STX2: variants seen among roughly 807,000 people sequenced by gnomAD.
STX2 encodes the protein syntaxin-2.
A neutral mutation model predicts 40.6 loss-of-function variants in STX2; 27 were observed. That is an observed-to-expected ratio of 0.66 (90% confidence interval 0.49 to 0.92). The LOEUF is 0.92. Ranked by LOEUF, STX2 falls within the 40% of genes least tolerant of loss-of-function variation. The probability of loss-of-function intolerance (pLI) is 0.00; values close to 1 mark genes in which losing one functional copy is unlikely to be tolerated. For missense variants in STX2, 328 were observed against 366.1 expected (o/e 0.90, Z 0.85); for synonymous variants, 123 against 119.1 (o/e 1.03, Z -0.22).
chr12:130,837,450 C>T lies in STX2; in HGVS notation c.30+1620G>A, dbSNP rs188497274. 5.6e-3 allele frequency among the ~76,000 whole-genome samples: 859 copies of T among 152,278 alleles called. 2 individuals carry two copies. Among genetic ancestry groups the T allele is most frequent in the Non-Finnish European group, 0.01 (689 of 68,010 alleles). ...CTGGGACTACAGGTGTGCGCCATGA[C>T]ATCCGGCTATTTTAGTAGAAACGGG... On this transcript the variant is annotated intron_variant, in intron 1 of 10. Coordinates refer to ENST00000392373, the MANE Select transcript of STX2 (RefSeq NM_194356.4).
chr12:130,791,873 G>C lies in STX2; in HGVS notation c.*150C>G. On this transcript the variant is annotated 3_prime_UTR_variant, in exon 11 of 11. Coordinates refer to ENST00000392373, the MANE Select transcript of STX2 (RefSeq NM_194356.4). ...GTTGCAGATGTGGTCTGAGTCTCAA[G>C]GATAAATGGCTCTTGGGATATGGTT... 6.2e-7 allele frequency: 1 copy of C among 1,600,400 alleles called. No individual in the cohort carries two copies. Among genetic ancestry groups the C allele is most frequent in the South Asian group, 1.1e-5 (1 of 89,884 alleles).
chr12:130,798,344 A>C, intron 9 of STX2, 181 bp downstream of exon 9: 2 of 463,948 alleles, frequency 4.3e-6, no homozygotes, highest in Non-Finnish European at 7.3e-6. Context: ...ATGAACTACA[A>C]ATAATTCATC....
chr12:130,796,018 C>T lies in STX2; in HGVS notation c.*22G>A. The T allele has an allele frequency of 6.2e-7, 1 of 1,613,272 alleles. No homozygotes were observed. Among genetic ancestry groups the T allele is most frequent in the Non-Finnish European group, 8.5e-7 (1 of 1,179,740 alleles). On this transcript the variant is annotated 3_prime_UTR_variant, in exon 10 of 11. Transcript: ENST00000392373. ...ACTCCCACCCTGGCAGAGAGGCATG[C>T]ACACTGACGTTATCCACACCATCAT...
At chr12:130,798,148 G>A (rs896642955) in intron 9 of STX2, among the ~76,000 whole-genome samples, 3 of 151,844 alleles carry the variant, frequency 2.0e-5, no homozygotes, top group African/African-American at 7.3e-5. Context: ...TCAGGAGACT[G>A]AGGCAGGAGA....
chr12:130,815,453 C>T (rs1193781554), intron 3 of STX2, among the ~76,000 whole-genome samples: 1 of 152,242 alleles, frequency 6.6e-6, no homozygotes, highest in Non-Finnish European at 1.5e-5. Context: ...CACTGGCCTG[C>T]ATAACTGCCA....
intron 4 of STX2, among the ~76,000 whole-genome samples, chr12:130,811,141 T>C (rs1310455666): frequency 1.3e-5 from 2 of 152,136 alleles, no homozygotes; most frequent in Admixed American, 1.3e-4. Flanking sequence ...GCGGATCATT[T>C]GAGGTCAGGA....
intron 8 of STX2, 21 bp from the exon 9 acceptor site, chr12:130,798,656 A>C (rs1441733776): frequency 6.4e-7 from 1 of 1,559,464 alleles, no homozygotes; most frequent in African/African-American, 1.4e-5. Flanking sequence ...AAAGTTTCAA[A>C]CTTAGAAGAC....
intron 6 of STX2, among the ~76,000 whole-genome samples, chr12:130,804,173 A>G (rs556218947): frequency 1.3e-5 from 2 of 152,336 alleles, no homozygotes; most frequent in African/African-American, 4.8e-5. Flanking sequence ...TTGCCATTTG[A>G]AGAAACAAAG....
At chr12:130,827,066 G>A in intron 2 of STX2, 127 bp downstream of exon 2, 1 of 568,120 alleles carries the variant, frequency 1.8e-6, no homozygotes, top group Non-Finnish European at 3.1e-6. Flanking sequence ...AGAAAGGAAG[G>A]GAGGGAGGGA....
intron 3 of STX2, among the ~76,000 whole-genome samples, chr12:130,818,666 ATGGAGACGG>A (rs1404670671): frequency 1.1e-5 from 1 of 89,436 alleles, no homozygotes; most frequent in Non-Finnish European, 2.8e-5. Context: ...GATGGAGACG[ATGGAGACGG>A]TGCAGACGGT....
At chr12:130,822,101 T>G (rs1952138243) in intron 2 of STX2, among the ~76,000 whole-genome samples, 1 of 152,144 alleles carries the variant, frequency 6.6e-6, no homozygotes, top group African/African-American at 2.4e-5. Flanking sequence ...CTAATACCCA[T>G]TCTCAGTATA....
At chr12:130,823,879 T>G (rs60594418) in intron 2 of STX2, among the ~76,000 whole-genome samples, 1 of 152,226 alleles carries the variant, frequency 6.6e-6, no homozygotes, top group Non-Finnish European at 1.5e-5. Flanking sequence ...TCCAGCTTAA[T>G]AGACAGCACC....
In STX2 at chr12:130,795,979, T is replaced by C. The variant is rs1951016480; in HGVS notation, c.*45+16A>G. The C allele has an allele frequency of 3.8e-6, 6 of 1,592,096 alleles. No individual in the cohort carries two copies. In the South Asian group the frequency reaches 4.6e-5, roughly 12 times the overall value. On this transcript the variant is annotated intron_variant, in intron 10 of 10. Coordinates refer to ENST00000392373, the MANE Select transcript of STX2 (RefSeq NM_194356.4). ...TTGCAAAAGTTAATAAGTAAATTAGTTGATGAGTTACTTACTCCCACCCTG... is the reference window on the plus strand; with the variant it reads ...TTGCAAAAGTTAATAAGTAAATTAGCTGATGAGTTACTTACTCCCACCCTG...
chr12:130,825,038 GTTC>G (rs1279929758), intron 2 of STX2, among the ~76,000 whole-genome samples: 2 of 146,062 alleles, frequency 1.4e-5, no homozygotes, highest in East Asian at 2.0e-4. Flanking sequence ...TAACTTTTCT[GTTC>G]TTTTTTTTTT....
chr12:130,814,925 G>A (rs898729773), intron 3 of STX2, among the ~76,000 whole-genome samples: 5 of 152,096 alleles, frequency 3.3e-5, no homozygotes, highest in Non-Finnish European at 7.3e-5. Context: ...GTGAGCCACT[G>A]CATCCAGCCT....
chr12:130,828,113 C>T (rs1952395310), intron 1 of STX2, among the ~76,000 whole-genome samples: 1 of 152,130 alleles, frequency 6.6e-6, no homozygotes, highest in African/African-American at 2.4e-5. Flanking sequence ...ATCAGAAGAC[C>T]CTAAGGATAA....
chr12:130,798,554 CT>C lies in STX2; in HGVS notation c.756del (p.Ala253LeufsTer14). On this transcript the variant is annotated frameshift_variant, in exon 9 of 11. Transcript: ENST00000392373. LOFTEE classifies it high-confidence loss of function. The part of the protein sequence containing the change: ...YVEHAKEETK[K>X]AIKYQSKARR... ...CTTGCCTTGCTCTGATATTTGATAG[CT>C]TTTTTTGTTTCTTCTTTAGCGTGTT... 2.5e-6 allele frequency: 4 copies of C among 1,604,910 alleles called. No individual in the cohort carries two copies. Among genetic ancestry groups the C allele is most frequent in the East Asian group, 2.3e-5 (1 of 44,246 alleles).
intron 10 of STX2, among the ~76,000 whole-genome samples, chr12:130,793,892 T>C (rs80262888): frequency 0.021 from 3,152 of 152,324 alleles, 107 homozygotes; most frequent in African/African-American, 0.071. Context: ...CTGCTGGTAT[T>C]CATTTTGGTC....
At chr12:130,821,829 A>T (rs1246041040) in intron 2 of STX2, 41 bp from the exon 3 acceptor site, 1 of 1,284,220 alleles carries the variant, frequency 7.8e-7, no homozygotes, top group Non-Finnish European at 1.1e-6. Flanking sequence ...GCAAACTCAA[A>T]TCTGTGACCA....
Sources: allele counts gnomAD v4.1 joint callset (sites outside exome capture counted in the v4.1 genomes callset), GRCh38; gene constraint gnomAD v4.1.1; transcripts MANE v1.5; gene names NCBI Gene and HGNC (gene_info 2026-07-23, HGNC 2026-07-21).